CCSER1: variants seen among roughly 807,000 people sequenced by gnomAD.
CCSER1 encodes the protein serine-rich coiled-coil domain-containing protein 1.
Under a neutral mutation model 82.0 loss-of-function variants are expected in CCSER1, and 41 were observed. That is an observed-to-expected ratio of 0.50 (90% CI 0.39 to 0.65). CCSER1 has a LOEUF of 0.65. CCSER1 is among the 30% of genes least tolerant of loss of function. The pLI is 0.00. For missense variants in CCSER1, 1,119 were observed against 1,064.2 expected, an observed-to-expected ratio of 1.05 and a Z score of -0.72; for synonymous variants, 414 against 383.9, an observed-to-expected ratio of 1.08 and a Z score of -0.92.
At chr4:91,309,851 G>C (rs982074066) in intron 10 of CCSER1, among the ~76,000 whole-genome samples, 2 of 151,944 alleles carry the variant, frequency 1.3e-5, no homozygotes, top group Non-Finnish European at 2.9e-5. Flanking sequence ...TCCCAGGCCT[G>C]CCATAACAGA....
At chr4:90,777,664 G>A (rs1015543145) in intron 7 of CCSER1, among the ~76,000 whole-genome samples, 1 of 151,904 alleles carries the variant, frequency 6.6e-6, no homozygotes, top group Admixed American at 6.6e-5. Context: ...AATATCTATT[G>A]TATATAGCCA....
chr4:90,815,044 G>A (rs1246575813), intron 7 of CCSER1, among the ~76,000 whole-genome samples: 1 of 152,222 alleles, frequency 6.6e-6, no homozygotes, highest in African/African-American at 2.4e-5. Context: ...CTAAGACTGG[G>A]TATTTATACA....
chr4:90,485,335 T>C (rs938352543), intron 5 of CCSER1, among the ~76,000 whole-genome samples: 5 of 152,210 alleles, frequency 3.3e-5, no homozygotes, highest in African/African-American at 1.2e-4. Flanking sequence ...GGTGAGTCGA[T>C]GCCTCGCTCT....
intron 10 of CCSER1, among the ~76,000 whole-genome samples, chr4:91,168,093 T>C (rs1232665285): frequency 7.0e-6 from 1 of 141,980 alleles, no homozygotes; most frequent in Non-Finnish European, 1.5e-5. Flanking sequence ...GGAGCGCCTC[T>C]GCCCAGCCCC....
chr4:90,181,242 C>G (rs1170607813), intron 1 of CCSER1, among the ~76,000 whole-genome samples: 1 of 152,102 alleles, frequency 6.6e-6, no homozygotes, highest in Non-Finnish European at 1.5e-5. Flanking sequence ...AAGGAATTTC[C>G]TTGTACAAAG....
rs1372312088 is a variant in CCSER1 at position 90,545,947 on chromosome 4, G to A, written c.1724+77593G>A. 2.0e-5 allele frequency among the ~76,000 whole-genome samples: 3 copies of A among 152,044 alleles called. 1 individual carries two copies. The highest frequency in any genetic ancestry group is 6.3e-3 in the Middle Eastern group (2 of 316). Reference sequence around the variant, plus strand: ...TAACAAAATCCTGCAGCAAAATTTAGACAGAGGAACAACAATAGGTAAAAT... The same window carrying A: ...TAACAAAATCCTGCAGCAAAATTTAAACAGAGGAACAACAATAGGTAAAAT... On this transcript the variant is annotated intron_variant, in intron 5 of 10. Transcript: ENST00000509176.
intron 9 of CCSER1, among the ~76,000 whole-genome samples, chr4:90,928,721 T>C (rs1729365631): frequency 6.6e-6 from 1 of 152,082 alleles, no homozygotes. Context: ...GTGAAAATCG[T>C]GTTTAATCAA....
At chr4:90,909,395 T>A (rs1359667602) in intron 8 of CCSER1, among the ~76,000 whole-genome samples, 3 of 152,122 alleles carry the variant, frequency 2.0e-5, no homozygotes, top group Non-Finnish European at 4.4e-5. Flanking sequence ...GGTGGTGGCT[T>A]GTACACACCC....
At chr4:90,669,298 G>T (rs928330215) in intron 6 of CCSER1, among the ~76,000 whole-genome samples, 2 of 151,792 alleles carry the variant, frequency 1.3e-5, no homozygotes, top group Admixed American at 6.6e-5. Flanking sequence ...AAAATATATG[G>T]TCTCATATTA....
chr4:91,144,903 T>C (rs1403689392), intron 10 of CCSER1, among the ~76,000 whole-genome samples: 1 of 152,114 alleles, frequency 6.6e-6, no homozygotes, highest in Non-Finnish European at 1.5e-5. Flanking sequence ...TCTTAAAGTA[T>C]GTACTGTGTG....
intron 10 of CCSER1, among the ~76,000 whole-genome samples, chr4:91,511,991 T>G (rs1343681284): frequency 1.3e-5 from 2 of 152,196 alleles, no homozygotes; most frequent in African/African-American, 2.4e-5. Context: ...TGATCTATAA[T>G]TACTTTTGGC....
chr4:90,156,617 C>G (rs980185928), intron 1 of CCSER1, among the ~76,000 whole-genome samples: 1 of 152,146 alleles, frequency 6.6e-6, no homozygotes. Context: ...GATCCCTTTA[C>G]CATTATGTAA....
chr4:90,154,223 G>A (rs190480453), intron 1 of CCSER1, among the ~76,000 whole-genome samples: 290 of 152,288 alleles, frequency 1.9e-3, no homozygotes, highest in African/African-American at 6.6e-3. Flanking sequence ...GCTCTGTTCT[G>A]TTCCATTGAT....
chr4:90,942,680 A>T (rs908689240), intron 9 of CCSER1, among the ~76,000 whole-genome samples: 1 of 151,856 alleles, frequency 6.6e-6, no homozygotes, highest in Non-Finnish European at 1.5e-5. Flanking sequence ...AAAAGAAAGA[A>T]ACTTGATACA....
At chr4:91,445,154 A>T (rs1207898246) in intron 10 of CCSER1, among the ~76,000 whole-genome samples, 6 of 152,118 alleles carry the variant, frequency 3.9e-5, no homozygotes, top group African/African-American at 1.4e-4. Context: ...AGATAATAAC[A>T]ATCTCCCCTT....
intron 10 of CCSER1, among the ~76,000 whole-genome samples, chr4:91,185,926 T>C (rs548630903): frequency 4.8e-4 from 73 of 152,320 alleles, no homozygotes; most frequent in African/African-American, 1.7e-3. Flanking sequence ...CAGGCCTTGA[T>C]ATAATAAACT....
rs1323107521 is a variant in CCSER1, at chr4:91,599,040, G to A, written c.2686G>A (p.Gly896Ser). 3.2e-6 allele frequency: 5 copies of A among 1,541,062 alleles called. No homozygotes were observed. Among genetic ancestry groups the A allele is most frequent in the Non-Finnish European group, 4.4e-6 (5 of 1,139,364 alleles). ...NLHSTELQTL[G>S]QQDG is the part of the protein sequence containing the mutation. The stretch of plus-strand genomic sequence containing the variant: ...ACACAGCACTGAGCTGCAAACTCTA[G>A]GCCAGCAGGATGGGTAATTAAATCA... Residue 896 changes from glycine (G) to serine (S), a missense_variant, in exon 11 of 11, where the codon GGC (glycine) becomes AGC (serine). Gly to Ser is a moderately conservative substitution (Grantham distance 56). Coordinates refer to ENST00000509176, the MANE Select transcript of CCSER1 (RefSeq NM_001145065.2).
At chr4:90,418,534 T>C (rs1756155114) in intron 4 of CCSER1, among the ~76,000 whole-genome samples, 1 of 152,022 alleles carries the variant, frequency 6.6e-6, no homozygotes, top group Non-Finnish European at 1.5e-5. Context: ...GTAAATAACA[T>C]CACTTTCTCA....
intron 3 of CCSER1, among the ~76,000 whole-genome samples, chr4:90,393,860 C>T (rs1255826082): frequency 1.4e-5 from 2 of 147,558 alleles, no homozygotes; most frequent in Non-Finnish European, 3.0e-5. Context: ...CTCACTGCAG[C>T]CTCCAAGTCC....
Sources: allele counts gnomAD v4.1 joint callset (sites outside exome capture counted in the v4.1 genomes callset), GRCh38; gene constraint gnomAD v4.1.1; transcripts MANE v1.5; gene names NCBI Gene and HGNC (gene_info 2026-07-23, HGNC 2026-07-21).